The following GPR37 variants were observed in gnomAD, a reference collection of about 807,000 sequenced individuals.
GPR37 encodes the protein prosaposin receptor GPR37.
A neutral mutation model predicts 43.6 loss-of-function variants in GPR37; 20 were observed. That is an observed-to-expected ratio of 0.46 (90% CI 0.32 to 0.67). GPR37 has a LOEUF of 0.67. Ranked by LOEUF, GPR37 falls within the 30% of genes least tolerant of loss-of-function variation. GPR37 has a pLI of 0.03. For missense variants in GPR37, 724 were observed against 797.2 expected (o/e 0.91, Z 1.11); for synonymous variants, 315 against 322.6 (o/e 0.98, Z 0.25).
chr7:124,760,993 T>C (rs571755101), intron 1 of GPR37, among the ~76,000 whole-genome samples: 7 of 151,972 alleles, frequency 4.6e-5, no homozygotes, highest in African/African-American at 1.4e-4. Flanking sequence ...CCATCTCTAC[T>C]AAAAATACAA....
rs1375733695 is a variant in GPR37, at chr7:124,745,338, A to G, written c.*1187T>C. On this transcript the variant is annotated 3_prime_UTR_variant, in exon 2 of 2. Coordinates refer to ENST00000303921, the MANE Select transcript of GPR37 (RefSeq NM_005302.5). ...ATGGTCTCTGCCACCTGAGTTAGAC[A>G]TGTGTCCCACACAGCAAGCATCCTA... 2.0e-5 allele frequency among the ~76,000 whole-genome samples: 3 copies of G among 152,188 alleles called. No homozygotes were observed. Among genetic ancestry groups the G allele is most frequent in the Non-Finnish European group, 2.9e-5 (2 of 68,020 alleles).
chr7:124,745,124 ACAT>A lies in GPR37; in HGVS notation c.*1398_*1400del, dbSNP rs1356153680. Reference sequence around the variant, plus strand: ...CAATCTCTTTAATGATTTTTAAATAACATCATGTTATAATTTGGAAAAAGGAAT... The same window carrying A: ...CAATCTCTTTAATGATTTTTAAATAACATGTTATAATTTGGAAAAAGGAAT... On this transcript the variant is annotated 3_prime_UTR_variant, in exon 2 of 2. Transcript: ENST00000303921. 2.0e-5 allele frequency: 3 copies of A among 152,200 alleles called. No homozygotes were observed. The East Asian group carries it at 5.8e-4, about 29-fold the overall frequency. The allele number at this position is 152,200 out of a possible 1,614,324, so 9.4% of individuals were successfully genotyped here. A position where few individuals can be genotyped will look rare whatever the true frequency, so the allele number is the denominator to read the frequency against.
Position 124,746,205 on chromosome 7 carries a change from A to G in GPR37, c.*320T>C, listed in dbSNP as rs1243370459. 3 of 198,154 alleles carry G rather than the reference A, an allele frequency of 1.5e-5. No individual in the cohort carries two copies. Among genetic ancestry groups the G allele is most frequent in the African/African-American group, 7.0e-5 (3 of 43,000 alleles). 12.3% of individuals were successfully genotyped at this position (198,154 alleles called of 1,614,324 possible). On this transcript the variant is annotated 3_prime_UTR_variant, in exon 2 of 2. Coordinates refer to ENST00000303921, the MANE Select transcript of GPR37 (RefSeq NM_005302.5). Reference sequence around the variant, plus strand: ...AATCACATTGCTATAATCAATATACAATAATTGTATTTTTAAAAGAAGAAA... The same window carrying G: ...AATCACATTGCTATAATCAATATACGATAATTGTATTTTTAAAAGAAGAAA...
Position 124,764,939 on chromosome 7 carries a change from C to A in GPR37, c.38G>T (p.Arg13Leu), listed in dbSNP as rs778606606. 6.5e-7 allele frequency: 1 copy of A among 1,529,482 alleles called. No individual in the cohort carries two copies. The highest frequency in any genetic ancestry group is 1.4e-5 in the African/African-American group (1 of 72,410). 94.7% of individuals were successfully genotyped at this position (1,529,482 alleles called of 1,614,324 possible). A position where few individuals can be genotyped will look rare whatever the true frequency, so the allele number is the denominator to read the frequency against. Residue 13 changes from arginine (R) to leucine (L), a missense_variant, in exon 1 of 2, where the codon CGG becomes CTG. Transcript: ENST00000303921. The surrounding 1 kb of genome is among the most constrained non-coding windows in gnomAD (Gnocchi z 5.4). ...APGALLARMSRLLLLLLLKVS... is the reference protein window; with the variant it reads ...APGALLARMSLLLLLLLLKVS... ...CTTGAGCAGTAGCAGAAGCAGTAGCCGCGACATGCGGGCGAGAAGCGCGCC... is the reference window on the plus strand; with the variant it reads ...CTTGAGCAGTAGCAGAAGCAGTAGCAGCGACATGCGGGCGAGAAGCGCGCC...
chr7:124,764,359 C>G lies in GPR37; in HGVS notation c.618G>C (p.Gly206=). ...PLSKTANGLA[G]HEGWTIALPG... ...GGAGTGCAATTGTCCACCCTTCGTG[C>G]CCCGCCAGTCCATTGGCCGTCTTGG... The change falls in exon 1 of 2, where the codon GGG becomes GGC. Residue 206 remains glycine (G), a synonymous_variant. Coordinates refer to ENST00000303921, the MANE Select transcript of GPR37 (RefSeq NM_005302.5). This position sits in a 1 kb window ranked among gnomAD's most constrained non-coding sequence, Gnocchi z 5.4. 1.9e-6 allele frequency: 3 copies of G among 1,613,470 alleles called. No homozygotes were observed. The highest frequency in any genetic ancestry group is 2.5e-6 in the Non-Finnish European group (3 of 1,179,968).
At chr7:124,750,714 A>G (rs1042643779) in intron 1 of GPR37, among the ~76,000 whole-genome samples, 6 of 152,126 alleles carry the variant, frequency 3.9e-5, no homozygotes, top group African/African-American at 1.4e-4. Flanking sequence ...ATGTATTAAG[A>G]TGGGTGTGTT....
intron 1 of GPR37, among the ~76,000 whole-genome samples, chr7:124,762,448 T>C (rs935956792): frequency 1.3e-5 from 2 of 151,824 alleles, no homozygotes; most frequent in Non-Finnish European, 2.9e-5. Flanking sequence ...CTTTATACTT[T>C]TGTCTCTTTC....
intron 1 of GPR37, among the ~76,000 whole-genome samples, chr7:124,754,744 A>T (rs1467321513): frequency 1.3e-5 from 2 of 152,128 alleles, no homozygotes; most frequent in Admixed American, 6.5e-5. Flanking sequence ...TGTTAAGAAA[A>T]CCCATTCATT....
chr7:124,753,716 G>A (rs749623446), intron 1 of GPR37, among the ~76,000 whole-genome samples: 2 of 152,092 alleles, frequency 1.3e-5, no homozygotes, highest in Admixed American at 6.6e-5. Flanking sequence ...GCATGGAAAT[G>A]ATACGGGTCC....
At chr7:124,751,338 T>C (rs1750331121) in intron 1 of GPR37, among the ~76,000 whole-genome samples, 1 of 152,120 alleles carries the variant, frequency 6.6e-6, no homozygotes, top group Non-Finnish European at 1.5e-5. Context: ...AGATCTTTTT[T>C]CTGTAAATTC....
At chr7:124,755,427 G>A (rs1309727080) in intron 1 of GPR37, among the ~76,000 whole-genome samples, 11 of 151,964 alleles carry the variant, frequency 7.2e-5, no homozygotes, top group South Asian at 2.1e-4. Flanking sequence ...TTTAAAAGCC[G>A]TTTAAGACTA....
At chr7:124,749,977 T>C (rs534313198) in intron 1 of GPR37, among the ~76,000 whole-genome samples, 10 of 152,304 alleles carry the variant, frequency 6.6e-5, no homozygotes, top group African/African-American at 2.4e-4. Flanking sequence ...ATTGTTCACA[T>C]TGATGAAAAT....
At position 124,764,525 on chromosome 7, in the gene GPR37, T is replaced by C. The variant is rs769037740; in HGVS notation, c.452A>G (p.Glu151Gly). Residue 151 changes from glutamate (E) to glycine (G), a missense_variant, in exon 1 of 2, where the codon GAG (glutamate) becomes GGG (glycine). Glu to Gly is a moderately conservative substitution (Grantham distance 98). Transcript: ENST00000303921. The surrounding 1 kb of genome is among the most constrained non-coding windows in gnomAD (Gnocchi z 5.4). ...ALQLFLQISE[E>G]EEKGPRGAGI... ...AGCGCCTCTGGGACCCTTCTCTTCCTCCTCTGAGATCTGAAGGAAGAGCTG... is the reference window on the plus strand; with the variant it reads ...AGCGCCTCTGGGACCCTTCTCTTCCCCCTCTGAGATCTGAAGGAAGAGCTG... 1.2e-6 allele frequency: 2 copies of C among 1,613,610 alleles called. No homozygotes were observed. Among genetic ancestry groups the C allele is most frequent in the East Asian group, 2.2e-5 (1 of 44,864 alleles).
In GPR37 at chr7:124,746,904, C is replaced by T. The variant is rs763379589; in HGVS notation, c.1463G>A (p.Ser488Asn). The change falls in exon 2 of 2, where the codon AGT becomes AAT. Residue 488 changes from serine to asparagine, a missense_variant. Physicochemically the swap from Ser to Asn is conservative, Grantham distance 46 (BLOSUM62 1). Transcript: ENST00000303921. ...TGCCACTACTGTACAGTTCATCTGA[C>T]TCTCTAGTTGAATCTGCCGTTTATT... ...RGNKRQIQLE[S>N]QMNCTVVALT... The T allele has an allele frequency of 6.2e-7, 1 of 1,614,102 alleles. No homozygotes were observed. Among genetic ancestry groups the T allele is most frequent in the Non-Finnish European group, 8.5e-7 (1 of 1,179,960 alleles).
At chr7:124,763,308 T>G (rs1432410458) in intron 1 of GPR37, among the ~76,000 whole-genome samples, 1 of 152,118 alleles carries the variant, frequency 6.6e-6, no homozygotes, top group Admixed American at 6.5e-5. Context: ...AAAATAAAAT[T>G]AAGAAACCGA....
intron 1 of GPR37, among the ~76,000 whole-genome samples, chr7:124,754,500 G>T (rs1006053082): frequency 1.5e-5 from 2 of 133,084 alleles, no homozygotes; most frequent in Non-Finnish European, 3.2e-5. Flanking sequence ...GATGGGAAAA[G>T]AAAAAACGAA....
In GPR37 at chr7:124,744,924, T is replaced by C. The variant is rs955956838; in HGVS notation, c.*1601A>G. On this transcript the variant is annotated 3_prime_UTR_variant, in exon 2 of 2. Transcript: ENST00000303921. ...CCAAAACCTAGCTCAGGTGTCCTCT[T>C]GAGAAATTTTCCAAAGACCTATTAC... 2.0e-5 allele frequency: 3 copies of C among 152,106 alleles called. No homozygotes were observed. The highest frequency in any genetic ancestry group is 4.4e-5 in the Non-Finnish European group (3 of 68,026). 9.4% of individuals were successfully genotyped at this position (152,106 alleles called of 1,614,324 possible).
At chr7:124,754,764 AATGATAACCTATT>A (rs1439837887) in intron 1 of GPR37, among the ~76,000 whole-genome samples, 2 of 152,204 alleles carry the variant, frequency 1.3e-5, no homozygotes, top group African/African-American at 2.4e-5. Flanking sequence ...TTGGGCTGTG[AATGATAACCTATT>A]ATGTCAGTGG....
intron 1 of GPR37, among the ~76,000 whole-genome samples, chr7:124,751,929 T>C (rs973601943): frequency 6.6e-6 from 1 of 152,144 alleles, no homozygotes; most frequent in Non-Finnish European, 1.5e-5. Context: ...TTAATTTTGA[T>C]AATTTCAAGA....
Sources: allele counts gnomAD v4.1 joint callset (sites outside exome capture counted in the v4.1 genomes callset), GRCh38; gene constraint gnomAD v4.1.1; non-coding constraint Gnocchi (gnomAD v3.1); transcripts MANE v1.5; gene names NCBI Gene and HGNC (gene_info 2026-07-23, HGNC 2026-07-21).